The following RALGAPB variants were observed in gnomAD, a reference collection of about 807,000 sequenced individuals.
RALGAPB encodes Ral GTPase activating protein non-catalytic subunit beta.
RALGAPB carries 25 observed loss-of-function variants against 161.1 expected under a neutral mutation model. The observed-to-expected ratio is 0.16, with a 90% CI of 0.11 to 0.22. The LOEUF (loss-of-function observed/expected upper bound fraction) is 0.22. Among genes scored for constraint, RALGAPB ranks in the 10% least tolerant of loss-of-function variants. RALGAPB has a pLI of 1.00. For synonymous variants in RALGAPB, 629 were observed against 626.1 expected (o/e 1.00, Z -0.07); for missense variants, 1,391 against 1,815.2 (o/e 0.77, Z 4.25).
At chr20:38,533,967 C>A (rs1282873759) in intron 15 of RALGAPB, among the ~76,000 whole-genome samples, 2 of 141,182 alleles carry the variant, frequency 1.4e-5, no homozygotes, top group African/African-American at 5.1e-5. Flanking sequence ...GGTGAAACCC[C>A]ATCTCTACTA....
chr20:38,480,960 T>C (rs2084950079), intron 1 of RALGAPB, among the ~76,000 whole-genome samples: 1 of 150,388 alleles, frequency 6.6e-6, no homozygotes, highest in Non-Finnish European at 1.5e-5. Context: ...ATGGTCTTGA[T>C]CTCCTGACCT....
chr20:38,549,291 A>C (rs547727860), intron 20 of RALGAPB, among the ~76,000 whole-genome samples: 1 of 152,012 alleles, frequency 6.6e-6, no homozygotes, highest in Non-Finnish European at 1.5e-5. Context: ...GCAGTGGTGT[A>C]ATCATAGCTC....
rs530023968 is a variant in RALGAPB at position 38,474,351 on chromosome 20, A to G, written c.-31+1282A>G. Among the ~76,000 whole-genome samples, 10 of 152,004 alleles carry G rather than the reference A, an allele frequency of 6.6e-5. 1 individual carries two copies. In the South Asian group the frequency reaches 2.1e-3, roughly 32 times the overall value. On this transcript the variant is annotated intron_variant, in intron 1 of 29. Coordinates refer to ENST00000262879, the MANE Select transcript of RALGAPB (RefSeq NM_020336.4). ...GTTGCCCAGGCTGGAATGCAGTGGCATGATCTTGGCTCACTGCAACTTCCG... is the reference window on the plus strand; with the variant it reads ...GTTGCCCAGGCTGGAATGCAGTGGCGTGATCTTGGCTCACTGCAACTTCCG...
chr20:38,521,602 A>G lies in RALGAPB; in HGVS notation c.1523A>G (p.Asn508Ser). The G allele has an allele frequency of 6.2e-7, 1 of 1,614,232 alleles. No individual in the cohort carries two copies. Among genetic ancestry groups the G allele is most frequent in the South Asian group, 1.1e-5 (1 of 91,082 alleles). The change falls in exon 10 of 30, where the codon AAC becomes AGC. Residue 508 changes from asparagine (N) to serine (S), a missense_variant. Physicochemically the swap from Asn to Ser is conservative, Grantham distance 46. Transcript: ENST00000262879. ...TTTGATGCAAGTGAATTTCCTGATA[A>G]CTATGAAGCAGGAAGAGCTGAGGCT... is the stretch of plus-strand genomic sequence containing the variant. ...PMFDASEFPD[N>S]YEAGRAEACG... is the part of the protein sequence containing the mutation.
At chr20:38,507,032 A>G (rs1309663565) in intron 5 of RALGAPB, among the ~76,000 whole-genome samples, 1 of 152,118 alleles carries the variant, frequency 6.6e-6, no homozygotes, top group Non-Finnish European at 1.5e-5. Context: ...AAAATTATGA[A>G]TCTGTTTTTA....
intron 13 of RALGAPB, among the ~76,000 whole-genome samples, chr20:38,526,351 C>G (rs1379848999): frequency 6.6e-6 from 1 of 151,914 alleles, no homozygotes; most frequent in Non-Finnish European, 1.5e-5. Context: ...TCTTCCTGCT[C>G]TCCTTCCTCC....
At chr20:38,543,703 A>T (rs2087056273) in intron 18 of RALGAPB, among the ~76,000 whole-genome samples, 1 of 152,134 alleles carries the variant, frequency 6.6e-6, no homozygotes, top group African/African-American at 2.4e-5. Flanking sequence ...ATACCTGCTT[A>T]TGCTCTTCCC....
In RALGAPB at chr20:38,524,956, A is replaced by G. The variant is rs1163681825; in HGVS notation, c.1787+11A>G. ...CATTTTGCCTGACAGGTAAGCTATC[A>G]TTCTCTGCTATTATATCAACTGTCT... On this transcript the variant is annotated intron_variant, in intron 11 of 29. Coordinates refer to ENST00000262879, the MANE Select transcript of RALGAPB (RefSeq NM_020336.4). 6.3e-7 allele frequency: 1 copy of G among 1,590,284 alleles called. No individual in the cohort carries two copies. The highest frequency in any genetic ancestry group is 1.7e-5 in the Admixed American group (1 of 59,968).
chr20:38,516,988 A>G (rs747920320), intron 7 of RALGAPB, among the ~76,000 whole-genome samples: 3 of 152,246 alleles, frequency 2.0e-5, no homozygotes, highest in African/African-American at 7.2e-5. Context: ...GTAACAACCA[A>G]AAATCCTATT....
chr20:38,503,894 C>T (rs561485150), intron 5 of RALGAPB, among the ~76,000 whole-genome samples: 1 of 152,246 alleles, frequency 6.6e-6, no homozygotes, highest in East Asian at 1.9e-4. Context: ...ATCAATGAGG[C>T]AATACCCTCC....
chr20:38,476,082 A>G (rs965886188), intron 1 of RALGAPB, among the ~76,000 whole-genome samples: 8 of 152,246 alleles, frequency 5.3e-5, no homozygotes, highest in Admixed American at 4.6e-4. Flanking sequence ...AGATAGGGAC[A>G]CAGTATCCAG....
chr20:38,553,805 T>G, intron 21 of RALGAPB, 62 bp from the exon 22 acceptor site: 1 of 522,168 alleles, frequency 1.9e-6, no homozygotes, highest in Non-Finnish European at 3.2e-6. Flanking sequence ...AAAAAAACAC[T>G]TAAGATTGGC....
At position 38,499,466 on chromosome 20, in the gene RALGAPB, A is replaced by G; in HGVS notation, c.573A>G (p.Leu191=). The change falls in exon 5 of 30, where the codon CTA becomes CTG. Residue 191 remains leucine, a synonymous_variant. Transcript: ENST00000262879. ...GGTAAGGTGGCATTGCTGAGAATCT[A>G]GCAGAGAAGTTGATTGGTGTTCTCT... ...PTVQGGIAEN[L]AEKLIGVLFE... is the part of the protein sequence containing the mutation. 1 of 1,608,506 alleles carries G rather than the reference A, an allele frequency of 6.2e-7. No individual in the cohort carries two copies. Among genetic ancestry groups the G allele is most frequent in the Non-Finnish European group, 8.5e-7 (1 of 1,177,586 alleles).
intron 5 of RALGAPB, among the ~76,000 whole-genome samples, chr20:38,501,569 G>C (rs1028729754): frequency 3.9e-5 from 6 of 152,108 alleles, no homozygotes; most frequent in Admixed American, 1.3e-4. Flanking sequence ...TGTCCTGCTA[G>C]TTTTTGTATT....
At chr20:38,483,673 G>A (rs762095425) in intron 1 of RALGAPB, among the ~76,000 whole-genome samples, 2 of 152,158 alleles carry the variant, frequency 1.3e-5, no homozygotes, top group South Asian at 4.1e-4. Flanking sequence ...ACGGGATGGA[G>A]CTACAAACAA....
Position 38,517,399 on chromosome 20 carries a change from T to C in RALGAPB, c.1052-107T>C, listed in dbSNP as rs892414045. On this transcript the variant is annotated intron_variant, in intron 7 of 29. Coordinates refer to ENST00000262879, the MANE Select transcript of RALGAPB (RefSeq NM_020336.4). Reference sequence around the variant, plus strand: ...CTGAGAGGCAACTAGCAATCTCTGCTATAGTCTATGTGTCCCAAGCCTTCA... The same window carrying C: ...CTGAGAGGCAACTAGCAATCTCTGCCATAGTCTATGTGTCCCAAGCCTTCA... 5.2e-6 allele frequency: 6 copies of C among 1,148,490 alleles called. No homozygotes were observed. The African/African-American group carries it at 9.5e-5, about 18-fold the overall frequency. 71.1% of individuals were successfully genotyped at this position (1,148,490 alleles called of 1,614,324 possible). A position where few individuals can be genotyped will look rare whatever the true frequency, so the allele number is the denominator to read the frequency against.
intron 7 of RALGAPB, chr20:38,516,605 G>A (rs763420458): frequency 1.2e-5 from 5 of 418,594 alleles, no homozygotes; most frequent in South Asian, 5.2e-5. Flanking sequence ...AAAGTAATGC[G>A]GCCAAAACTG....
chr20:38,576,939 G>GTA lies in RALGAPB; in HGVS notation c.*1974_*1975dup, dbSNP rs762117127. The GTA allele has an allele frequency of 3.9e-5, 6 of 152,628 alleles. No homozygotes were observed. Among genetic ancestry groups the GTA allele is most frequent in the Non-Finnish European group, 7.3e-5 (5 of 68,036 alleles). The allele number at this position is 152,628 out of a possible 1,614,324, so 9.5% of individuals were successfully genotyped here. A position where few individuals can be genotyped will look rare whatever the true frequency, so the allele number is the denominator to read the frequency against. ...ATAGTTAATTTCAGAAAAATGTGCT[G>GTA]TATGTGTGTGTGTATGAGGGTTGGT... is the stretch of plus-strand genomic sequence containing the variant. On this transcript the variant is annotated 3_prime_UTR_variant, in exon 30 of 30. Transcript: ENST00000262879.
intron 19 of RALGAPB, chr20:38,547,718 G>A (rs2145420777): frequency 6.6e-6 from 1 of 152,274 alleles, no homozygotes; most frequent in East Asian, 1.9e-4. Context: ...AAATGGAATG[G>A]TGCCTTTTAT....
Sources: gnomAD v4.1 joint callset for allele counts (sites outside exome capture counted in the v4.1 genomes callset) on GRCh38, gnomAD v4.1.1 for gene constraint, MANE v1.5 for transcripts, NCBI Gene and HGNC (gene_info 2026-07-23, HGNC 2026-07-21) for gene names.